The following ZNF609 variants were observed in gnomAD, a reference collection of about 807,000 sequenced individuals.
The protein encoded by ZNF609 is zinc finger protein 609.
Under a neutral mutation model 109.5 loss-of-function variants are expected in ZNF609, and 11 were observed. That is an observed-to-expected ratio of 0.10 (90% CI 0.06 to 0.17). ZNF609 has a LOEUF of 0.17. ZNF609 is among the 10% of genes least tolerant of loss of function. ZNF609 has a pLI of 1.00. For synonymous variants in ZNF609, 646 were observed against 662.0 expected (o/e 0.98, Z 0.37); for missense variants, 1,559 against 1,772.4 (o/e 0.88, Z 2.16).
At chr15:64,532,478 A>G (rs759123331) in intron 2 of ZNF609, among the ~76,000 whole-genome samples, 5 of 152,240 alleles carry the variant, frequency 3.3e-5, no homozygotes, top group Admixed American at 6.5e-5. Flanking sequence ...AATGTGCAGT[A>G]TGGTAAATAC....
intron 3 of ZNF609, among the ~76,000 whole-genome samples, chr15:64,651,894 G>C (rs1010591121): frequency 6.6e-6 from 1 of 151,798 alleles, no homozygotes; most frequent in Non-Finnish European, 1.5e-5. Flanking sequence ...TTCTATTCAC[G>C]TGTTATGTAT....
intron 3 of ZNF609, among the ~76,000 whole-genome samples, chr15:64,661,416 G>A (rs922323671): frequency 6.6e-6 from 1 of 152,152 alleles, no homozygotes; most frequent in Non-Finnish European, 1.5e-5. Flanking sequence ...CTCATTTGTG[G>A]AATAATAGAA....
chr15:64,567,451 C>T (rs1174381351), intron 2 of ZNF609, among the ~76,000 whole-genome samples: 1 of 151,692 alleles, frequency 6.6e-6, no homozygotes, highest in African/African-American at 2.4e-5. Context: ...CCACTGCACT[C>T]TAGCCTGGCG....
At chr15:64,681,161 G>A (rs1896879904) in intron 8 of ZNF609, 148 bp from the exon 9 acceptor site, 1 of 759,282 alleles carries the variant, frequency 1.3e-6, no homozygotes, top group Non-Finnish European at 2.2e-6. Context: ...ACAATCAGCT[G>A]AGAAATAGAG....
intron 2 of ZNF609, among the ~76,000 whole-genome samples, chr15:64,605,066 C>T (rs1017666014): frequency 6.6e-6 from 1 of 152,172 alleles, no homozygotes; most frequent in East Asian, 1.9e-4. Flanking sequence ...CTCCTGACCT[C>T]GTGATCCGCC....
chr15:64,567,957 G>A (rs8036992), intron 2 of ZNF609, among the ~76,000 whole-genome samples: 7,031 of 151,558 alleles, frequency 0.046, 542 homozygotes, highest in African/African-American at 0.16. Flanking sequence ...CACGGTACCC[G>A]GCTGAGATAT....
intron 2 of ZNF609, among the ~76,000 whole-genome samples, chr15:64,526,775 C>G (rs1409733887): frequency 6.6e-6 from 1 of 152,140 alleles, no homozygotes; most frequent in African/African-American, 2.4e-5. Context: ...GTAGCTGGGA[C>G]TACAGACACA....
At chr15:64,625,077 A>G (rs1302616443) in intron 3 of ZNF609, among the ~76,000 whole-genome samples, 1 of 151,856 alleles carries the variant, frequency 6.6e-6, no homozygotes, top group Non-Finnish European at 1.5e-5. Context: ...CTCTTAAGGT[A>G]CTCTATACTT....
At chr15:64,507,464 C>T (rs149720723) in intron 2 of ZNF609, among the ~76,000 whole-genome samples, 21 of 152,320 alleles carry the variant, frequency 1.4e-4, no homozygotes, top group Non-Finnish European at 2.8e-4. Flanking sequence ...TAACCCGCCT[C>T]CAGAGCTGCT....
At chr15:64,630,011 A>G (rs1405939806) in intron 3 of ZNF609, among the ~76,000 whole-genome samples, 5 of 151,930 alleles carry the variant, frequency 3.3e-5, no homozygotes, top group Non-Finnish European at 7.4e-5. Flanking sequence ...AGGAGTATTC[A>G]TCATTTTTTA....
intron 1 of ZNF609, among the ~76,000 whole-genome samples, chr15:64,483,736 A>G (rs80265779): frequency 0.13 from 19,691 of 152,006 alleles, 1,868 homozygotes; most frequent in Admixed American, 0.33. Context: ...AAGGTGTATT[A>G]ATTATCTGAG....
chr15:64,598,740 GTGTATATATA>G (rs1207021674), intron 2 of ZNF609, among the ~76,000 whole-genome samples: 910 of 84,702 alleles, frequency 0.011, 23 homozygotes, highest in African/African-American at 0.039. Context: ...ATCTTTGTGT[GTGTATATATA>G]TATATATATA....
chr15:64,620,788 CAG>C (rs1431691321), intron 2 of ZNF609, among the ~76,000 whole-genome samples: 2 of 152,136 alleles, frequency 1.3e-5, no homozygotes, highest in African/African-American at 4.8e-5. Flanking sequence ...GCCAAGAAGT[CAG>C]AGCCAACTGT....
At chr15:64,631,086 G>A (rs901779565) in intron 3 of ZNF609, 21 of 449,818 alleles carry the variant, frequency 4.7e-5, no homozygotes, top group South Asian at 1.8e-4. Context: ...CAGTCCTGAG[G>A]TCTTTTATTT....
intron 2 of ZNF609, among the ~76,000 whole-genome samples, chr15:64,536,732 C>G (rs900040327): frequency 2.7e-5 from 4 of 149,524 alleles, no homozygotes; most frequent in African/African-American, 7.4e-5. Context: ...CACCCCCCCC[C>G]CCAAAAAAAA....
intron 2 of ZNF609, among the ~76,000 whole-genome samples, chr15:64,598,629 AG>A (rs1157565966): frequency 6.6e-6 from 1 of 151,208 alleles, no homozygotes; most frequent in Non-Finnish European, 1.5e-5. Flanking sequence ...TGATGTAGAT[AG>A]GGATCTATGC....
Position 64,668,497 on chromosome 15 carries a change from G to A in ZNF609, c.974-1849G>A, listed in dbSNP as rs115170193. Among the ~76,000 whole-genome samples the A allele has an allele frequency of 7.9e-3, 1,199 of 152,272 alleles. 22 individuals are homozygous for A. The highest frequency in any genetic ancestry group is 0.028 in the African/African-American group (1,151 of 41,546). ...AAGACTGAATGGAGCCAAGTGTGGT[G>A]GCTCACACCTATAATCCCAGCACTT... is the stretch of plus-strand genomic sequence containing the variant. On this transcript the variant is annotated intron_variant, in intron 3 of 9. Coordinates refer to ENST00000326648, the MANE Select transcript of ZNF609 (RefSeq NM_015042.2).
chr15:64,678,492 C>A lies in ZNF609; in HGVS notation c.3769+10C>A. On this transcript the variant is annotated intron_variant, in intron 6 of 9. Transcript: ENST00000326648. The stretch of plus-strand genomic sequence containing the variant: ...ATGCAGAACTACCCAGGTACAGCAC[C>A]AAGTGCCAGCACTATTCCATTCACT... The A allele has an allele frequency of 1.3e-6, 2 of 1,557,980 alleles. No individual in the cohort carries two copies. Among genetic ancestry groups the A allele is most frequent in the Non-Finnish European group, 1.7e-6 (2 of 1,152,224 alleles).
intron 2 of ZNF609, among the ~76,000 whole-genome samples, chr15:64,605,976 C>G (rs904352544): frequency 1.5e-4 from 20 of 131,686 alleles, no homozygotes; most frequent in Non-Finnish European, 2.3e-4. Context: ...AGGATGGTCT[C>G]GATCTCCTGA....
Sources: gnomAD v4.1 joint callset for allele counts (sites outside exome capture counted in the v4.1 genomes callset) on GRCh38, gnomAD v4.1.1 for gene constraint, MANE v1.5 for transcripts, NCBI Gene and HGNC (gene_info 2026-07-23, HGNC 2026-07-21) for gene names.